ALDH7A1: variants seen among roughly 807,000 people sequenced by gnomAD.
ALDH7A1 encodes alpha-aminoadipic semialdehyde dehydrogenase.
ALDH7A1 carries 63 observed loss-of-function variants against 79.9 expected under a neutral mutation model. That is an observed-to-expected ratio of 0.79 (90% CI 0.64 to 0.97). ALDH7A1 has a LOEUF of 0.97. Ranked by LOEUF, ALDH7A1 falls within the 50% of genes least tolerant of loss-of-function variation. The pLI is 0.00. For missense variants in ALDH7A1, 627 were observed against 665.2 expected (o/e 0.94, Z 0.63); for synonymous variants, 240 against 231.2 (o/e 1.04, Z -0.34).
intron 3 of ALDH7A1, among the ~76,000 whole-genome samples, chr5:126,591,326 C>A (rs1200564633): frequency 6.6e-6 from 1 of 151,892 alleles, no homozygotes; most frequent in African/African-American, 2.4e-5. Context: ...ATACTTCTAT[C>A]CATAATTAAA....
At chr5:126,546,540 T>A in intron 16 of ALDH7A1, 141 bp from the exon 17 acceptor site, 1 of 734,266 alleles carries the variant, frequency 1.4e-6, no homozygotes, top group Non-Finnish European at 2.3e-6. Context: ...ATATCTCCCC[T>A]GCAAACAAAT....
chr5:126,589,621 A>G (rs1045148684), intron 3 of ALDH7A1, among the ~76,000 whole-genome samples: 101 of 152,246 alleles, frequency 6.6e-4, no homozygotes, highest in African/African-American at 2.4e-3. Context: ...TCTACTAACA[A>G]TACAAAAATT....
intron 2 of ALDH7A1, 141 bp downstream of exon 2, chr5:126,593,210 T>C: frequency 7.2e-7 from 1 of 1,386,536 alleles, no homozygotes; most frequent in Non-Finnish European, 9.7e-7. Context: ...AAACACATTA[T>C]TCTCTTCATT....
At chr5:126,592,812 A>C in intron 2 of ALDH7A1, 83 bp from the exon 3 acceptor site, 2 of 1,383,788 alleles carry the variant, frequency 1.4e-6, no homozygotes, top group Non-Finnish European at 2.0e-6. Flanking sequence ...TATTTTCAGA[A>C]AAGAGTTGGG....
intron 13 of ALDH7A1, 92 bp from the exon 14 acceptor site, chr5:126,552,229 G>A: frequency 3.3e-6 from 3 of 897,238 alleles, no homozygotes; most frequent in Admixed American, 2.1e-5. Flanking sequence ...CATTTATAAA[G>A]AAAAAAATTA....
At chr5:126,571,474 CAA>C (rs66827025) in intron 7 of ALDH7A1, among the ~76,000 whole-genome samples, 3,748 of 114,900 alleles carry the variant, frequency 0.033, 153 homozygotes, top group African/African-American at 0.096. Context: ...GACTGTATCT[CAA>C]AAAAAAAAAA....
intron 7 of ALDH7A1, among the ~76,000 whole-genome samples, chr5:126,573,653 G>A (rs1176176485): frequency 4.7e-5 from 7 of 149,436 alleles, no homozygotes; most frequent in African/African-American, 1.5e-4. Context: ...AGCCGAGATC[G>A]CACCACTGCA....
rs529506268 is a variant in ALDH7A1, at chr5:126,594,996, C to T, written c.192+11G>A. On this transcript the variant is annotated intron_variant, in intron 1 of 17. Transcript: ENST00000409134. ...CCGGCGGCTGCAGAGATTTCTTGAGCGCCCGCGTACCTCTCCCCGGCCTCC... is the reference window on the plus strand; with the variant it reads ...CCGGCGGCTGCAGAGATTTCTTGAGTGCCCGCGTACCTCTCCCCGGCCTCC... 2.5e-6 allele frequency: 4 copies of T among 1,584,310 alleles called. No homozygotes were observed. Among genetic ancestry groups the T allele is most frequent in the Admixed American group, 3.5e-5 (2 of 56,940 alleles).
At chr5:126,571,150 A>ATTTTTTTTTTTTTTTTTTT (rs386404930) in intron 7 of ALDH7A1, 3 of 206,660 alleles carry the variant, frequency 1.5e-5, no homozygotes, top group African/African-American at 8.2e-5. Context: ...CTATTAGCAG[A>ATTTTTTTTTTTTTTTTTTT]TTTTTTTTTT....
intron 9 of ALDH7A1, chr5:126,564,581 A>T (rs1750506771): frequency 2.4e-6 from 3 of 1,248,042 alleles, no homozygotes; most frequent in Non-Finnish European, 3.0e-6. Context: ...GTATCTTCTC[A>T]TTTCCATTGC....
At chr5:126,586,563 T>C (rs1401738897) in intron 3 of ALDH7A1, 2 of 152,172 alleles carry the variant, frequency 1.3e-5, no homozygotes, top group Non-Finnish European at 2.9e-5. Context: ...ATGGGGGTGA[T>C]AAAGGCAAGA....
At chr5:126,569,412 G>GT (rs1462863088) in intron 8 of ALDH7A1, 2 of 152,206 alleles carry the variant, frequency 1.3e-5, no homozygotes, top group African/African-American at 4.8e-5. Context: ...TCTAAGGAAT[G>GT]CAAATCAGAC....
At chr5:126,565,196 C>A (rs1015503751) in intron 9 of ALDH7A1, among the ~76,000 whole-genome samples, 16 of 151,962 alleles carry the variant, frequency 1.1e-4, no homozygotes, top group Non-Finnish European at 2.4e-4. Flanking sequence ...AGTTTGAGAC[C>A]AGCCTGGCCA....
chr5:126,586,806 C>CG (rs1030524241), intron 3 of ALDH7A1: 4 of 152,294 alleles, frequency 2.6e-5, no homozygotes, highest in African/African-American at 9.7e-5. Context: ...AAATTATGGC[C>CG]GGGGGCTGTG....
intron 9 of ALDH7A1, among the ~76,000 whole-genome samples, chr5:126,566,482 T>C (rs993362504): frequency 2.6e-5 from 4 of 152,180 alleles, no homozygotes. Flanking sequence ...ATAAATTCCT[T>C]TTTAAAAGCA....
chr5:126,591,147 T>C (rs35115612), intron 3 of ALDH7A1, among the ~76,000 whole-genome samples: 19,384 of 152,126 alleles, frequency 0.13, 1,462 homozygotes, highest in African/African-American at 0.21. Flanking sequence ...TTATTACTTT[T>C]ATGATCAGAA....
chr5:126,551,434 C>T (rs1186159796), intron 14 of ALDH7A1, among the ~76,000 whole-genome samples: 3 of 151,978 alleles, frequency 2.0e-5, no homozygotes, highest in African/African-American at 4.8e-5. Context: ...CCTGCCTCAG[C>T]CTCTCAGGTA....
chr5:126,584,080 A>ACAATAC, intron 3 of ALDH7A1, 68 bp from the exon 4 acceptor site: 2 of 1,266,090 alleles, frequency 1.6e-6, no homozygotes. Flanking sequence ...ACAGTATTGG[A>ACAATAC]TGTGTGCTGT....
In ALDH7A1 at chr5:126,552,033, G is replaced by C. The variant is rs142975776; in HGVS notation, c.1305C>G (p.Val435=). The change falls in exon 14 of 18, where the codon GTC becomes GTG. Residue 435 remains valine, a synonymous_variant. Coordinates refer to ENST00000409134, the MANE Select transcript of ALDH7A1 (RefSeq NM_001182.5). ...HTETFAPILY[V]FKFKNEEEVF... ...AATGCATTTTTACCTTGAATTTAAA[G>C]ACATAGAGAATCGGAGCAAAAGTCT... The C allele has an allele frequency of 7.8e-5, 126 of 1,612,058 alleles. No individual in the cohort carries two copies. Among genetic ancestry groups the C allele is most frequent in the Non-Finnish European group, 1.0e-4 (121 of 1,178,844 alleles).
Sources: gnomAD v4.1 joint callset for allele counts (sites outside exome capture counted in the v4.1 genomes callset) on GRCh38, gnomAD v4.1.1 for gene constraint, MANE v1.5 for transcripts, NCBI Gene and HGNC (gene_info 2026-07-23, HGNC 2026-07-21) for gene names.